The following CEP112 variants were observed in gnomAD, a reference collection of about 807,000 sequenced individuals.
CEP112 encodes the protein centrosomal protein 112.
Under a neutral mutation model 153.0 loss-of-function variants are expected in CEP112, and 127 were observed. The observed-to-expected ratio is 0.83, with a 90% CI of 0.72 to 0.96. CEP112 has a LOEUF of 0.96. CEP112 is among the 40% of genes least tolerant of loss of function. CEP112 has a pLI of 0.00. For missense variants in CEP112, 1,089 were observed against 1,101.2 expected (o/e 0.99, Z 0.16); for synonymous variants, 358 against 374.4 (o/e 0.96, Z 0.51).
intron 2 of CEP112, among the ~76,000 whole-genome samples, chr17:66,181,225 T>C (rs2072706919): frequency 6.6e-6 from 1 of 152,194 alleles, no homozygotes; most frequent in South Asian, 2.1e-4. Context: ...TAGTTCTTGT[T>C]TAAGATGTGA....
Position 66,027,508 on chromosome 17 carries a change from TC to T in CEP112, c.1648del (p.Glu550LysfsTer29). 2.2e-6 allele frequency: 3 copies of T among 1,338,112 alleles called. No individual in the cohort carries two copies. Among genetic ancestry groups the T allele is most frequent in the South Asian group, 2.7e-5 (2 of 72,740 alleles). The allele number at this position is 1,338,112 out of a possible 1,614,324, so 82.9% of individuals were successfully genotyped here. ...MEKSHLKHIY[E>X]KKAHDLQSEL... is the part of the protein sequence containing the mutation. ...TTCCATAAAACATATTACCTTTTTT[TC>T]ATAGATGTGTTTTAAATGACTTTTC... On this transcript the variant is annotated frameshift_variant, in exon 16 of 27. Transcript: ENST00000535342. LOFTEE classifies it high-confidence loss of function.
At chr17:65,961,790 G>A (rs1487989693) in intron 17 of CEP112, among the ~76,000 whole-genome samples, 192 bp from the exon 18 acceptor site, 1 of 152,162 alleles carries the variant, frequency 6.6e-6, no homozygotes, top group African/African-American at 2.4e-5. Context: ...AACATATATT[G>A]TGTATTCTGA....
rs74354886 is a variant in CEP112, at chr17:66,136,390, G to A, written c.471-3627C>T. 1.7e-4 allele frequency among the ~76,000 whole-genome samples: 26 copies of A among 152,078 alleles called. No homozygotes were observed. In the East Asian group the frequency reaches 4.7e-3, roughly 27 times the overall value. On this transcript the variant is annotated intron_variant, in intron 4 of 26. Transcript: ENST00000535342. ...GACCGGATTCTGCAAGTACTCACAG[G>A]ACTGGTATTCTCTAAATGCCTGGGG...
intron 18 of CEP112, among the ~76,000 whole-genome samples, chr17:65,958,120 G>A (rs1448994674): frequency 6.6e-6 from 1 of 152,026 alleles, no homozygotes; most frequent in African/African-American, 2.4e-5. Context: ...GGGGTTCCAG[G>A]TTTCTCTACT....
At chr17:66,053,409 C>A (rs1289351189) in intron 12 of CEP112, among the ~76,000 whole-genome samples, 1 of 151,978 alleles carries the variant, frequency 6.6e-6, no homozygotes, top group Admixed American at 6.6e-5. Flanking sequence ...ATAGTTTGAA[C>A]CCAGGAGGCG....
At chr17:66,118,704 C>T (rs2069423873) in intron 6 of CEP112, among the ~76,000 whole-genome samples, 1 of 151,912 alleles carries the variant, frequency 6.6e-6, no homozygotes, top group African/African-American at 2.4e-5. Flanking sequence ...TTTAAAATAA[C>T]TGAAAAATGG....
intron 1 of CEP112, among the ~76,000 whole-genome samples, chr17:66,188,325 A>ACACACT (rs1023195580): frequency 7.1e-6 from 1 of 141,180 alleles, no homozygotes; most frequent in African/African-American, 2.7e-5. Context: ...ACACACACAC[A>ACACACT]CTTTGCCTAA....
intron 20 of CEP112, among the ~76,000 whole-genome samples, chr17:65,888,360 T>C (rs2059354983): frequency 6.6e-6 from 1 of 152,142 alleles, no homozygotes; most frequent in African/African-American, 2.4e-5. Flanking sequence ...AATTTTCTGC[T>C]AAGAATCCTT....
rs552774010 is a variant in CEP112, at chr17:65,944,784, G to T, written c.1872+16679C>A. ...TTTTAATTTTTTGTCAAGATAGGGG[G>T]TCTCCTTCTGTTTCCCAGACTGACT... On this transcript the variant is annotated intron_variant, in intron 18 of 26. Coordinates refer to ENST00000535342, the MANE Select transcript of CEP112 (RefSeq NM_001199165.4). 2.0e-5 allele frequency among the ~76,000 whole-genome samples: 3 copies of T among 151,994 alleles called. No homozygotes were observed. In the East Asian group the frequency reaches 5.8e-4, roughly 29 times the overall value.
chr17:65,854,962 T>A (rs554029615), intron 20 of CEP112, among the ~76,000 whole-genome samples: 32 of 152,014 alleles, frequency 2.1e-4, no homozygotes, highest in Admixed American at 1.2e-3. Context: ...ATTCTTTTTT[T>A]AAAAAAAAGC....
At chr17:66,136,666 A>G (rs947222341) in intron 4 of CEP112, among the ~76,000 whole-genome samples, 1 of 152,222 alleles carries the variant, frequency 6.6e-6, no homozygotes, top group Non-Finnish European at 1.5e-5. Context: ...CTGAAACTAA[A>G]AAAGCAAGTA....
intron 21 of CEP112, among the ~76,000 whole-genome samples, chr17:65,795,539 C>T (rs1259919693): frequency 6.6e-6 from 1 of 152,154 alleles, no homozygotes; most frequent in African/African-American, 2.4e-5. Flanking sequence ...TGGCTGGGCA[C>T]AGTGGCTCAT....
intron 23 of CEP112, among the ~76,000 whole-genome samples, chr17:65,714,422 G>GT (rs35586265): frequency 0.28 from 41,649 of 151,212 alleles, 6,372 homozygotes; most frequent in African/African-American, 0.41. Flanking sequence ...GAATATCAAA[G>GT]TTTTTTTTTA....
chr17:65,902,561 G>A (rs1194481953), intron 19 of CEP112, among the ~76,000 whole-genome samples: 1 of 151,544 alleles, frequency 6.6e-6, no homozygotes, highest in African/African-American at 2.4e-5. Context: ...TCAATCTGTT[G>A]ACACAAATGT....
chr17:65,698,146 T>C (rs1245285100), intron 23 of CEP112, among the ~76,000 whole-genome samples: 6 of 152,226 alleles, frequency 3.9e-5, no homozygotes, highest in Admixed American at 3.9e-4. Flanking sequence ...GTGAAGGTTT[T>C]TACCCAATAC....
intron 17 of CEP112, among the ~76,000 whole-genome samples, chr17:65,997,891 C>T (rs2063851863): frequency 1.3e-5 from 2 of 151,850 alleles, no homozygotes; most frequent in East Asian, 1.9e-4. Flanking sequence ...CATATTGAGG[C>T]TACCTTAGCT....
chr17:65,798,091 A>C (rs868570615), intron 21 of CEP112, among the ~76,000 whole-genome samples: 5 of 152,196 alleles, frequency 3.3e-5, no homozygotes, highest in South Asian at 2.1e-4. Context: ...CAGAGCTTCA[A>C]GGTCCCTTCT....
chr17:65,901,792 G>A (rs1432465590), intron 20 of CEP112, among the ~76,000 whole-genome samples: 2 of 151,926 alleles, frequency 1.3e-5, no homozygotes, highest in Admixed American at 6.6e-5. Context: ...AAAGCAAGGA[G>A]TGAGGCTGAT....
intron 6 of CEP112, among the ~76,000 whole-genome samples, chr17:66,121,692 GT>G (rs111659267): frequency 7.8e-4 from 108 of 139,232 alleles, no homozygotes; most frequent in Non-Finnish European, 8.5e-4. Flanking sequence ...ATTTCCATCT[GT>G]TTTTTTTTTT....
Sources: allele counts gnomAD v4.1 joint callset (sites outside exome capture counted in the v4.1 genomes callset), GRCh38; gene constraint gnomAD v4.1.1; transcripts MANE v1.5; gene names NCBI Gene and HGNC (gene_info 2026-07-23, HGNC 2026-07-21).